Variants in PTPN4 observed in about 807,000 individuals in gnomAD.
PTPN4 encodes tyrosine-protein phosphatase non-receptor type 4.
A neutral mutation model predicts 135.5 loss-of-function variants in PTPN4; 49 were observed. The ratio of observed to expected loss-of-function variants is 0.36; its 90% CI spans 0.29 to 0.46. PTPN4 has a LOEUF of 0.46. PTPN4 is among the 20% of genes least tolerant of loss of function. The probability of loss-of-function intolerance (pLI) is 1.00; values close to 1 mark genes in which losing one functional copy is unlikely to be tolerated. For synonymous variants in PTPN4, 333 were observed against 369.9 expected, an observed-to-expected ratio of 0.90 and a Z score of 1.14; for missense variants, 860 against 1,101.0, an observed-to-expected ratio of 0.78 and a Z score of 3.10.
intron 1 of PTPN4, among the ~76,000 whole-genome samples, chr2:119,764,067 C>T (rs1202508020): frequency 1.3e-5 from 2 of 152,184 alleles, no homozygotes; most frequent in Non-Finnish European, 2.9e-5. Context: ...TCAATATTCA[C>T]AAGCATTATG....
intron 9 of PTPN4, among the ~76,000 whole-genome samples, chr2:119,895,519 A>G (rs909234750): frequency 1.2e-4 from 19 of 152,228 alleles, no homozygotes; most frequent in African/African-American, 4.3e-4. Context: ...GGGTGCCTGT[A>G]ATCCCAGCTA....
intron 1 of PTPN4, among the ~76,000 whole-genome samples, chr2:119,765,933 T>C (rs72836806): frequency 0.024 from 3,654 of 151,126 alleles, 145 homozygotes; most frequent in African/African-American, 0.083. Context: ...TGTGTGTGTG[T>C]GCGCGCGCGC....
intron 22 of PTPN4, among the ~76,000 whole-genome samples, chr2:119,957,980 C>T (rs1251921591): frequency 1.3e-5 from 2 of 151,738 alleles, no homozygotes; most frequent in Non-Finnish European, 2.9e-5. Context: ...CATGTCTAAG[C>T]TTAAAGAGAT....
chr2:119,810,673 A>G (rs1558733076), intron 2 of PTPN4, among the ~76,000 whole-genome samples: 1 of 152,226 alleles, frequency 6.6e-6, no homozygotes, highest in Non-Finnish European at 1.5e-5. Context: ...ATCTTGATAC[A>G]TATAAAAGTG....
At chr2:119,840,797 G>A (rs1203097320) in intron 2 of PTPN4, among the ~76,000 whole-genome samples, 1 of 152,156 alleles carries the variant, frequency 6.6e-6, no homozygotes, top group Admixed American at 6.5e-5. Flanking sequence ...GGTGTGAGAT[G>A]GTATCTCATT....
At chr2:119,820,678 T>C (rs2104955494) in intron 2 of PTPN4, among the ~76,000 whole-genome samples, 1 of 152,334 alleles carries the variant, frequency 6.6e-6, no homozygotes, top group East Asian at 1.9e-4. Context: ...TAACTCAAAT[T>C]GGATAGTTCA....
At chr2:119,936,238 G>A (rs1410492130) in intron 15 of PTPN4, among the ~76,000 whole-genome samples, 1 of 152,114 alleles carries the variant, frequency 6.6e-6, no homozygotes, top group East Asian at 1.9e-4. Flanking sequence ...TCCTGACCTC[G>A]TGATTCGCCC....
chr2:119,793,380 C>G (rs1465990544), intron 1 of PTPN4, among the ~76,000 whole-genome samples: 1 of 152,162 alleles, frequency 6.6e-6, no homozygotes, highest in African/African-American at 2.4e-5. Context: ...TCCCTTGTCC[C>G]CTGAACATCG....
intron 2 of PTPN4, among the ~76,000 whole-genome samples, chr2:119,813,310 C>T (rs925010256): frequency 2.6e-5 from 4 of 151,424 alleles, no homozygotes; most frequent in Admixed American, 2.0e-4. Flanking sequence ...TACAATGGCA[C>T]GATCTCGGCT....
intron 9 of PTPN4, among the ~76,000 whole-genome samples, chr2:119,898,413 A>G (rs1004985355): frequency 2.0e-5 from 3 of 152,168 alleles, no homozygotes; most frequent in Non-Finnish European, 4.4e-5. Context: ...GTTAGGGAGG[A>G]GAGATTAAAT....
At chr2:119,819,210 G>A (rs764629490) in intron 2 of PTPN4, among the ~76,000 whole-genome samples, 4 of 152,156 alleles carry the variant, frequency 2.6e-5, no homozygotes, top group African/African-American at 7.2e-5. Context: ...GAAAGCCAGC[G>A]TGAGACTTGA....
chr2:119,786,518 G>A (rs947626261), intron 1 of PTPN4, among the ~76,000 whole-genome samples: 4 of 152,170 alleles, frequency 2.6e-5, no homozygotes, highest in Non-Finnish European at 4.4e-5. Context: ...TGGCAGATTG[G>A]TGCTGGCTCT....
chr2:119,913,772 A>G (rs1166005433), intron 10 of PTPN4, among the ~76,000 whole-genome samples: 2 of 152,230 alleles, frequency 1.3e-5, no homozygotes, highest in African/African-American at 2.4e-5. Flanking sequence ...AAAAAAATCA[A>G]TCTTTATACT....
chr2:119,882,527 C>A lies in PTPN4; in HGVS notation c.491C>A (p.Ser164Ter). ...VQSELGDYDQSENLSGYLSDY... is the reference protein window; with the variant it reads ...VQSELGDYDQ ...GCTGAACTTGGAGACTACGATCAGT[C>A]AGAGAACTTGTCAGGCTACCTCTCA... The change falls in exon 8 of 27, where the codon TCA (serine) becomes TAA (stop). Residue 164 changes from serine to a stop codon, truncating the protein, a stop_gained. Transcript: ENST00000263708. LOFTEE classifies it high-confidence loss of function. The A allele has an allele frequency of 6.5e-7, 1 of 1,546,718 alleles. No homozygotes were observed. Among genetic ancestry groups the A allele is most frequent in the South Asian group, 1.2e-5 (1 of 82,362 alleles).
chr2:119,889,999 A>AC (rs950251859), intron 9 of PTPN4, among the ~76,000 whole-genome samples: 35 of 152,324 alleles, frequency 2.3e-4, no homozygotes, highest in African/African-American at 6.7e-4. Context: ...TGCATTGTTC[A>AC]GTGGAATGTT....
chr2:119,956,773 C>T, intron 20 of PTPN4, 71 bp from the exon 21 acceptor site: 1 of 1,569,496 alleles, frequency 6.4e-7, no homozygotes, highest in African/African-American at 1.4e-5. Flanking sequence ...AGTGTAGAAA[C>T]AAGTCTGGTA....
chr2:119,907,602 C>T (rs1209292617), intron 10 of PTPN4, among the ~76,000 whole-genome samples: 1 of 52,442 alleles, frequency 1.9e-5, no homozygotes, highest in East Asian at 6.0e-4. Context: ...GAGACCCTTT[C>T]TCTATTAAGA....
rs558233730 is a variant in PTPN4 at position 119,846,305 on chromosome 2, C to A, written c.139-16231C>A. On this transcript the variant is annotated intron_variant, in intron 2 of 26. Transcript: ENST00000263708. ...AAAGTTGAGTATGGGAGTCTCCAAC[C>A]ATTATTGAATTGTCTGTTTTATAGG... Among the ~76,000 whole-genome samples the A allele has an allele frequency of 7.8e-4, 119 of 152,230 alleles. 1 individual carries two copies. The highest frequency in any genetic ancestry group is 1.4e-3 in the Non-Finnish European group (96 of 68,006).
At chr2:119,818,183 A>G (rs1044373861) in intron 2 of PTPN4, among the ~76,000 whole-genome samples, 1 of 152,180 alleles carries the variant, frequency 6.6e-6, no homozygotes, top group Non-Finnish European at 1.5e-5. Context: ...CCCTGGTTAG[A>G]ACTTCCAATA....
Sources: gnomAD v4.1 joint callset for allele counts (sites outside exome capture counted in the v4.1 genomes callset) on GRCh38, gnomAD v4.1.1 for gene constraint, MANE v1.5 for transcripts, NCBI Gene and HGNC (gene_info 2026-07-23, HGNC 2026-07-21) for gene names.